The following AMD1 variants were observed in gnomAD, a reference collection of about 807,000 sequenced individuals.
AMD1 encodes S-adenosylmethionine decarboxylase proenzyme.
AMD1 carries 11 observed loss-of-function variants against 40.2 expected under a neutral mutation model. That is an observed-to-expected ratio of 0.27 (90% CI 0.17 to 0.45). The LOEUF is 0.45. Among genes scored for constraint, AMD1 ranks in the 20% least tolerant of loss-of-function variants. AMD1 has a pLI of 1.00. For missense variants in AMD1, 257 were observed against 410.2 expected, an observed-to-expected ratio of 0.63 and a Z score of 3.23; for synonymous variants, 121 against 130.8, an observed-to-expected ratio of 0.93 and a Z score of 0.51.
the AMD1 span, chr6:110,863,807 C>A: frequency 1.2e-5 from 4 of 327,504 alleles, no homozygotes; most frequent in South Asian, 3.0e-5. Context: ...TACCATGAAA[C>A]AAATGGCATC....
chr6:110,870,829 A>G (rs1476097982), upstream of AMD1, among the ~76,000 whole-genome samples: 1 of 152,172 alleles, frequency 6.6e-6, no homozygotes, highest in African/African-American at 2.4e-5. Flanking sequence ...GAATGATCTC[A>G]TGGAACAGAG....
the AMD1 span, among the ~76,000 whole-genome samples, chr6:110,817,950 T>C: frequency 6.6e-6 from 1 of 152,146 alleles, no homozygotes; most frequent in Non-Finnish European, 1.5e-5. Flanking sequence ...AACAAGGAAT[T>C]ATTTCAGGTA....
chr6:110,838,260 G>A, the AMD1 span, among the ~76,000 whole-genome samples: 1 of 150,332 alleles, frequency 6.7e-6, no homozygotes, highest in African/African-American at 2.4e-5. Context: ...GTGGTGGCAT[G>A]TGCCTATAGT....
At chr6:110,818,334 A>G in the AMD1 span, among the ~76,000 whole-genome samples, 1 of 152,134 alleles carries the variant, frequency 6.6e-6, no homozygotes, top group Non-Finnish European at 1.5e-5. Flanking sequence ...TTTGTGAGGA[A>G]TTCTCATTGG....
the AMD1 span, among the ~76,000 whole-genome samples, chr6:110,839,725 C>T: frequency 2.0e-5 from 3 of 152,080 alleles, no homozygotes; most frequent in Non-Finnish European, 4.4e-5. Context: ...TTCCTTGTAT[C>T]TAATCTACCA....
the AMD1 span, among the ~76,000 whole-genome samples, chr6:110,831,853 A>AT: frequency 2.4e-3 from 357 of 150,954 alleles, 2 homozygotes; most frequent in African/African-American, 7.9e-3. Flanking sequence ...TAATTTATTT[A>AT]TTTTTTTTTA....
At chr6:110,857,620 G>A in the AMD1 span, among the ~76,000 whole-genome samples, 4 of 128,354 alleles carry the variant, frequency 3.1e-5, no homozygotes, top group Admixed American at 1.5e-4. Flanking sequence ...TATATATATA[G>A]GTGGTATATA....
chr6:110,837,828 A>G, the AMD1 span, among the ~76,000 whole-genome samples: 1 of 135,968 alleles, frequency 7.4e-6, no homozygotes, highest in Non-Finnish European at 1.6e-5. Flanking sequence ...TTTGGGAGGC[A>G]GAGGTGGGTA....
intron 8 of AMD1, among the ~76,000 whole-genome samples, 196 bp downstream of exon 8, chr6:110,893,261 C>G (rs368638167): frequency 6.6e-6 from 1 of 152,164 alleles, no homozygotes; most frequent in Non-Finnish European, 1.5e-5. Context: ...TGTTTTCTGT[C>G]TAGCCAAACT....
the AMD1 span, among the ~76,000 whole-genome samples, chr6:110,857,215 G>T: frequency 6.6e-6 from 1 of 151,490 alleles, no homozygotes; most frequent in African/African-American, 2.4e-5. Context: ...TAACAGAATA[G>T]CTTTTGTTCT....
At chr6:110,819,253 A>T in the AMD1 span, among the ~76,000 whole-genome samples, 1 of 152,186 alleles carries the variant, frequency 6.6e-6, no homozygotes. Flanking sequence ...GCTACTCAGG[A>T]GGCTGAGGCA....
At chr6:110,853,436 T>A in the AMD1 span, among the ~76,000 whole-genome samples, 9 of 151,938 alleles carry the variant, frequency 5.9e-5, no homozygotes, top group African/African-American at 2.2e-4. Context: ...GCCTCCTGAG[T>A]AGCTGGGACT....
chr6:110,844,993 A>C, the AMD1 span, among the ~76,000 whole-genome samples: 5 of 149,230 alleles, frequency 3.4e-5, no homozygotes, highest in South Asian at 4.3e-4. Context: ...GAGAGAGAGA[A>C]AGCAAGCGCA....
At chr6:110,893,378 T>G (rs1036607148) in intron 8 of AMD1, 98 bp from the exon 9 acceptor site, 2 of 1,488,094 alleles carry the variant, frequency 1.3e-6, no homozygotes, top group Admixed American at 2.0e-5. Flanking sequence ...CTCAGATGTC[T>G]TAGTTTCATT....
chr6:110,858,132 C>T, the AMD1 span: 4 of 545,784 alleles, frequency 7.3e-6, no homozygotes, highest in Admixed American at 3.0e-5. Flanking sequence ...CTGTGAGCCA[C>T]CATGCCCAGA....
chr6:110,831,151 T>C, the AMD1 span, among the ~76,000 whole-genome samples: 1 of 152,064 alleles, frequency 6.6e-6, no homozygotes, highest in Non-Finnish European at 1.5e-5. Flanking sequence ...TTGAAATGTA[T>C]TTTTATGGCC....
chr6:110,837,745 AATATATATATATATATAT>A, the AMD1 span, among the ~76,000 whole-genome samples: 3 of 17,836 alleles, frequency 1.7e-4, no homozygotes, highest in South Asian at 6.4e-3. Flanking sequence ...AAAAAAAAAA[AATATATATATATATATAT>A]ATATATATAT....
chr6:110,828,882 C>A, the AMD1 span, among the ~76,000 whole-genome samples: 1 of 152,152 alleles, frequency 6.6e-6, no homozygotes, highest in South Asian at 2.1e-4. Flanking sequence ...CTGTTAAAGC[C>A]CTATGCTGGC....
At chr6:110,815,959 C>T in the AMD1 span, 1 of 152,388 alleles carries the variant, frequency 6.6e-6, no homozygotes, top group South Asian at 2.1e-4. Flanking sequence ...ATGACGTCCT[C>T]GTTGGTGCGT....
Sources: gnomAD v4.1 joint callset for allele counts (sites outside exome capture counted in the v4.1 genomes callset) on GRCh38, gnomAD v4.1.1 for gene constraint, MANE v1.5 for transcripts, NCBI Gene and HGNC (gene_info 2026-07-23, HGNC 2026-07-21) for gene names.